TNKS2: variants seen among roughly 807,000 people sequenced by gnomAD.
TNKS2 encodes tankyrase 2.
TNKS2 carries 72 observed loss-of-function variants against 137.6 expected under a neutral mutation model. The ratio of observed to expected loss-of-function variants is 0.52; its 90% CI spans 0.43 to 0.64. The LOEUF (loss-of-function observed/expected upper bound fraction) is 0.64. Ranked by LOEUF, TNKS2 falls within the 30% of genes least tolerant of loss-of-function variation. The pLI is 0.00. For missense variants in TNKS2, 1,049 were observed against 1,410.2 expected (o/e 0.74, Z 4.10); for synonymous variants, 516 against 512.1 (o/e 1.01, Z -0.10).
intron 2 of TNKS2, among the ~76,000 whole-genome samples, chr10:91,815,292 T>C (rs1844649341): frequency 6.6e-6 from 1 of 152,184 alleles, no homozygotes; most frequent in Non-Finnish European, 1.5e-5. Context: ...TTCACCAGCT[T>C]AGTTGAAATG....
At chr10:91,836,785 C>G (rs188264011) in intron 12 of TNKS2, 134 bp from the exon 13 acceptor site, 2 of 1,402,854 alleles carry the variant, frequency 1.4e-6, no homozygotes. Context: ...ACCCCCCTTA[C>G]TACCATGGAG....
At chr10:91,823,351 G>A (rs1443327646) in intron 7 of TNKS2, among the ~76,000 whole-genome samples, 14 of 79,660 alleles carry the variant, frequency 1.8e-4, no homozygotes, top group African/African-American at 4.6e-4. Flanking sequence ...TTTTTGAGAC[G>A]GAGTCTCGCT....
At chr10:91,807,486 G>A (rs947284013) in intron 1 of TNKS2, 14 of 1,558,572 alleles carry the variant, frequency 9.0e-6, no homozygotes, top group African/African-American at 5.4e-5. Context: ...CTCAGAACCC[G>A]GCCCAACAAA....
At chr10:91,800,486 A>T (rs1278523440) in intron 1 of TNKS2, among the ~76,000 whole-genome samples, 1 of 152,198 alleles carries the variant, frequency 6.6e-6, no homozygotes, top group Non-Finnish European at 1.5e-5. Flanking sequence ...GAGGTGTAAG[A>T]TTATGTTATT....
chr10:91,851,447 A>G, intron 21 of TNKS2, 111 bp downstream of exon 21: 3 of 1,246,852 alleles, frequency 2.4e-6, no homozygotes, highest in Non-Finnish European at 3.3e-6. Flanking sequence ...AATAGGAAGA[A>G]TACTAATTTA....
intron 19 of TNKS2, 90 bp from the exon 20 acceptor site, chr10:91,849,422 T>C: frequency 1.1e-6 from 1 of 930,826 alleles, no homozygotes; most frequent in Non-Finnish European, 1.6e-6. Context: ...TCTTCATATA[T>C]AGTAACATTA....
At chr10:91,819,692 C>A in intron 5 of TNKS2, 135 bp downstream of exon 5, 1 of 821,624 alleles carries the variant, frequency 1.2e-6, no homozygotes. Context: ...TTCAGTATTT[C>A]AAATTCTTAA....
At chr10:91,805,706 G>C (rs981157442) in intron 1 of TNKS2, among the ~76,000 whole-genome samples, 2 of 152,234 alleles carry the variant, frequency 1.3e-5, no homozygotes, top group African/African-American at 4.8e-5. Context: ...TATTACTGCT[G>C]AAGAATAGTA....
intron 1 of TNKS2, among the ~76,000 whole-genome samples, chr10:91,800,038 T>C (rs1844111468): frequency 6.6e-6 from 1 of 152,278 alleles, no homozygotes; most frequent in Non-Finnish European, 1.5e-5. Flanking sequence ...CTGTTCCAGA[T>C]TTTAAATGTA....
At chr10:91,821,100 C>T (rs1013601400) in intron 6 of TNKS2, among the ~76,000 whole-genome samples, 2 of 151,986 alleles carry the variant, frequency 1.3e-5, no homozygotes, top group East Asian at 1.9e-4. Context: ...TGCAGTGGCG[C>T]GATCGTGGTT....
intron 3 of TNKS2, 80 bp from the exon 4 acceptor site, chr10:91,819,190 A>G (rs1844804059): frequency 8.8e-6 from 7 of 798,754 alleles, no homozygotes; most frequent in Non-Finnish European, 1.3e-5. Context: ...CTACTTTATA[A>G]TTCATTGGGC....
intron 2 of TNKS2, among the ~76,000 whole-genome samples, chr10:91,814,839 A>G (rs1311043778): frequency 6.6e-6 from 1 of 152,138 alleles, no homozygotes; most frequent in Non-Finnish European, 1.5e-5. Flanking sequence ...TCACCTACCA[A>G]TGCATTTCTC....
At chr10:91,821,238 G>C (rs548447202) in intron 6 of TNKS2, among the ~76,000 whole-genome samples, 1 of 151,396 alleles carries the variant, frequency 6.6e-6, no homozygotes, top group Non-Finnish European at 1.5e-5. Context: ...AGGTTTTGCC[G>C]TGTTGGCCAG....
rs144716597 is a variant in TNKS2, at chr10:91,861,689, C to A, written c.3282-310C>A. ...TAATGGAAGTCCACTAAACCTTCTC[C>A]TTCCCACTTGGCCAGTGACTTTTGT... On this transcript the variant is annotated intron_variant, in intron 25 of 26. Coordinates refer to ENST00000371627, the MANE Select transcript of TNKS2 (RefSeq NM_025235.4). 3.4e-3 allele frequency among the ~76,000 whole-genome samples: 511 copies of A among 152,274 alleles called. 2 individuals carry two copies. The highest frequency in any genetic ancestry group is 5.1e-3 in the Non-Finnish European group (346 of 68,016).
chr10:91,841,304 T>G lies in TNKS2; in HGVS notation c.1695T>G (p.Asn565Lys). Reference protein sequence around the residue: ...KDKGGLVPLHNACSYGHYEVA... With the variant: ...KDKGGLVPLHKACSYGHYEVA... The stretch of plus-strand genomic sequence containing the variant: ...TCAGAGGCCTTGTACCTTTGCACAA[T>G]GCATGTTCTTATGGACATTATGAAG... The change falls in exon 15 of 27, where the codon AAT (asparagine) becomes AAG (lysine). Residue 565 changes from asparagine (N) to lysine (K), a missense_variant. Physicochemically the swap from Asn to Lys is moderately conservative, Grantham distance 94 (BLOSUM62 0). Transcript: ENST00000371627. 1 of 1,591,692 alleles carries G rather than the reference T, an allele frequency of 6.3e-7. No individual in the cohort carries two copies. The highest frequency in any genetic ancestry group is 8.5e-7 in the Non-Finnish European group (1 of 1,170,350).
At chr10:91,850,099 C>G (rs1318278309) in intron 20 of TNKS2, among the ~76,000 whole-genome samples, 1 of 152,188 alleles carries the variant, frequency 6.6e-6, no homozygotes, top group Non-Finnish European at 1.5e-5. Flanking sequence ...GGTGCAGTGG[C>G]TCACGCCTGT....
chr10:91,830,372 C>A (rs1263888757), intron 9 of TNKS2, among the ~76,000 whole-genome samples: 4 of 152,094 alleles, frequency 2.6e-5, no homozygotes, highest in African/African-American at 9.7e-5. Flanking sequence ...CACGTGCCAC[C>A]ACGACTGGCT....
chr10:91,812,129 A>G (rs1844530025), intron 1 of TNKS2, among the ~76,000 whole-genome samples: 1 of 152,122 alleles, frequency 6.6e-6, no homozygotes, highest in East Asian at 1.9e-4. Context: ...TCTCTACCCA[A>G]ACACATTGTA....
rs541076974 is a variant in TNKS2 at position 91,809,404 on chromosome 10, C to G, written c.200-3579C>G. 1.1e-4 allele frequency among the ~76,000 whole-genome samples: 17 copies of G among 152,194 alleles called. 1 individual carries two copies. In the South Asian group the frequency reaches 3.5e-3, roughly 32 times the overall value. ...CATCTGGGCTGGGCGCGGTGGCTCA[C>G]GCCTGTAATCCCAGCACTTTGGGAG... On this transcript the variant is annotated intron_variant, in intron 1 of 26. Transcript: ENST00000371627.
Sources: allele counts gnomAD v4.1 joint callset (sites outside exome capture counted in the v4.1 genomes callset), GRCh38; gene constraint gnomAD v4.1.1; transcripts MANE v1.5; gene names NCBI Gene and HGNC (gene_info 2026-07-23, HGNC 2026-07-21).